Variants in CNTN3 observed in about 807,000 individuals in gnomAD.
The protein encoded by CNTN3 is contactin 3.
A neutral mutation model predicts 119.1 loss-of-function variants in CNTN3; 60 were observed. The observed-to-expected ratio is 0.50, with a 90% CI of 0.41 to 0.62. The LOEUF is 0.62. Ranked by LOEUF, CNTN3 falls within the 20% of genes least tolerant of loss-of-function variation. CNTN3 has a pLI of 0.00. For synonymous variants in CNTN3, 450 were observed against 438.7 expected, an observed-to-expected ratio of 1.03 and a Z score of -0.32; for missense variants, 1,101 against 1,242.4, an observed-to-expected ratio of 0.89 and a Z score of 1.71.
At chr3:74,322,911 G>A (rs1559546332) in intron 13 of CNTN3, among the ~76,000 whole-genome samples, 1 of 152,184 alleles carries the variant, frequency 6.6e-6, no homozygotes, top group African/African-American at 2.4e-5. Flanking sequence ...TATACTATAT[G>A]AGTCCAACAA....
chr3:74,528,699 T>A (rs1422138155), intron 1 of CNTN3, among the ~76,000 whole-genome samples: 2 of 151,928 alleles, frequency 1.3e-5, no homozygotes, highest in Non-Finnish European at 2.9e-5. Context: ...GCTTAAGTAA[T>A]CAGATCATTA....
intron 1 of CNTN3, among the ~76,000 whole-genome samples, chr3:74,577,734 G>A (rs1411355504): frequency 6.6e-6 from 1 of 151,866 alleles, no homozygotes; most frequent in Non-Finnish European, 1.5e-5. Context: ...AAGGTCTTGG[G>A]TCACATACTA....
chr3:74,542,903 G>C (rs1393946449), intron 1 of CNTN3, among the ~76,000 whole-genome samples: 1 of 152,104 alleles, frequency 6.6e-6, no homozygotes, highest in Non-Finnish European at 1.5e-5. Context: ...AGGATTGCTT[G>C]AGGCCAGGAG....
At chr3:74,369,427 G>A (rs1336959240) in intron 7 of CNTN3, 54 bp from the exon 8 acceptor site, 8 of 1,405,390 alleles carry the variant, frequency 5.7e-6, no homozygotes, top group Non-Finnish European at 6.7e-6. Flanking sequence ...TTTTCAACTT[G>A]AGAAAATAAA....
chr3:74,592,228 G>A (rs1464903054), intron 1 of CNTN3, among the ~76,000 whole-genome samples: 1 of 151,856 alleles, frequency 6.6e-6, no homozygotes, highest in Non-Finnish European at 1.5e-5. Context: ...GTGGTGGCCA[G>A]ATCAGAAGGC....
chr3:74,502,841 T>C (rs957507811), intron 2 of CNTN3, among the ~76,000 whole-genome samples: 1 of 152,162 alleles, frequency 6.6e-6, no homozygotes, highest in Non-Finnish European at 1.5e-5. Flanking sequence ...TCTCACAACC[T>C]TACGAGATCT....
chr3:74,334,976 G>A, intron 12 of CNTN3, 66 bp from the exon 13 acceptor site: 1 of 1,235,994 alleles, frequency 8.1e-7, no homozygotes, highest in East Asian at 2.4e-5. Context: ...TGCACAGGCA[G>A]ACTGTTCATC....
chr3:74,492,167 T>C (rs1702976488), intron 3 of CNTN3, among the ~76,000 whole-genome samples: 1 of 152,184 alleles, frequency 6.6e-6, no homozygotes, highest in South Asian at 2.1e-4. Context: ...CAAATTAGAA[T>C]CTGCTTTTAG....
At chr3:74,577,376 T>A (rs1261424311) in intron 1 of CNTN3, among the ~76,000 whole-genome samples, 1 of 152,192 alleles carries the variant, frequency 6.6e-6, no homozygotes, top group African/African-American at 2.4e-5. Context: ...TCTTGGTTCA[T>A]TCCACAATTG....
At chr3:74,488,816 A>G (rs1333103100) in intron 3 of CNTN3, among the ~76,000 whole-genome samples, 3 of 152,338 alleles carry the variant, frequency 2.0e-5, no homozygotes, top group African/African-American at 7.2e-5. Context: ...ACTGGAACAA[A>G]ATTAGAAAGA....
At chr3:74,486,220 A>ACACACC (rs1346503847) in intron 4 of CNTN3, among the ~76,000 whole-genome samples, 1 of 148,532 alleles carries the variant, frequency 6.7e-6, no homozygotes, top group African/African-American at 2.5e-5. Context: ...ACACACACAC[A>ACACACC]CACCCCTACA....
chr3:74,582,823 G>A (rs1181695289), intron 1 of CNTN3, among the ~76,000 whole-genome samples: 7 of 150,258 alleles, frequency 4.7e-5, no homozygotes, highest in South Asian at 2.1e-4. Flanking sequence ...GTGACCCTAC[G>A]ACACAGAATT....
chr3:74,456,772 T>C (rs1702277740), intron 4 of CNTN3, among the ~76,000 whole-genome samples: 1 of 152,236 alleles, frequency 6.6e-6, no homozygotes, highest in African/African-American at 2.4e-5. Context: ...TTCCTTGTTA[T>C]GACTTAGCTC....
intron 2 of CNTN3, among the ~76,000 whole-genome samples, chr3:74,512,227 G>A (rs751319963): frequency 6.6e-6 from 1 of 152,104 alleles, no homozygotes; most frequent in African/African-American, 2.4e-5. Context: ...AGTCTACTAT[G>A]GGATTTTATT....
chr3:74,412,571 T>A (rs1701457391), intron 5 of CNTN3, among the ~76,000 whole-genome samples: 2 of 152,200 alleles, frequency 1.3e-5, no homozygotes, highest in African/African-American at 4.8e-5. Flanking sequence ...CTCAGATTGC[T>A]AAGTGAATGA....
intron 5 of CNTN3, among the ~76,000 whole-genome samples, chr3:74,376,337 C>T (rs1239385729): frequency 6.6e-6 from 1 of 152,196 alleles, no homozygotes; most frequent in Non-Finnish European, 1.5e-5. Context: ...GCAAGCAAAG[C>T]TTCATCTGTA....
chr3:74,461,680 T>A (rs1220199499), intron 4 of CNTN3, among the ~76,000 whole-genome samples: 2 of 152,062 alleles, frequency 1.3e-5, no homozygotes, highest in African/African-American at 4.8e-5. Flanking sequence ...CTACTTTGCA[T>A]CATATTGTTA....
Position 74,322,015 on chromosome 3 carries a change from G to A in CNTN3, c.1668+12720C>T, listed in dbSNP as rs7618508. Among the ~76,000 whole-genome samples the A allele has an allele frequency of 6.0e-3, 916 of 151,912 alleles. 13 individuals carry two copies. Among genetic ancestry groups the A allele is most frequent in the African/African-American group, 0.021 (862 of 41,440 alleles). ...AGACTGGCCAACATGGTGAAACCCCGTCTCCACTAAAAATACAAAAATTAG... is the reference window on the plus strand; with the variant it reads ...AGACTGGCCAACATGGTGAAACCCCATCTCCACTAAAAATACAAAAATTAG... On this transcript the variant is annotated intron_variant, in intron 13 of 22. Transcript: ENST00000263665.
chr3:74,425,849 G>A (rs1701687205), intron 4 of CNTN3, among the ~76,000 whole-genome samples: 1 of 152,044 alleles, frequency 6.6e-6, no homozygotes, highest in South Asian at 2.1e-4. Context: ...CTTTGTGGAA[G>A]ATATATTGTC....
Sources: gnomAD v4.1 joint callset for allele counts (sites outside exome capture counted in the v4.1 genomes callset) on GRCh38, gnomAD v4.1.1 for gene constraint, MANE v1.5 for transcripts, NCBI Gene and HGNC (gene_info 2026-07-23, HGNC 2026-07-21) for gene names.